The following NTRK3 variants were observed in gnomAD, a reference collection of about 807,000 sequenced individuals.
NTRK3 encodes the protein NT-3 growth factor receptor.
In NTRK3, 24 loss-of-function variants were observed where a neutral mutation model predicts 91.7. The observed-to-expected ratio is 0.26, with a 90% CI of 0.19 to 0.37. The LOEUF is 0.37. NTRK3 is among the 10% of genes least tolerant of loss of function. NTRK3 has a pLI of 1.00. For missense variants in NTRK3, 880 were observed against 1,068.9 expected, an observed-to-expected ratio of 0.82 and a Z score of 2.46; for synonymous variants, 483 against 404.0, an observed-to-expected ratio of 1.20 and a Z score of -2.34.
intron 14 of NTRK3, 119 bp downstream of exon 14, chr15:88,032,738 A>G: frequency 8.9e-7 from 1 of 1,123,592 alleles, no homozygotes; most frequent in South Asian, 1.3e-5. Context: ...GGTCTCTTAG[A>G]AAGTGGGAGG....
chr15:87,885,311 T>C (rs2065474966), intron 17 of NTRK3, among the ~76,000 whole-genome samples: 6 of 151,944 alleles, frequency 3.9e-5, no homozygotes, highest in Admixed American at 3.3e-4. Flanking sequence ...CTCAATGTTA[T>C]ACATATTTCA....
rs2051130194 is a variant in NTRK3, at chr15:88,109,786, T to C, written c.1396+16485A>G. On this transcript the variant is annotated intron_variant, in intron 13 of 18. Coordinates refer to ENST00000394480, the Ensembl canonical transcript of NTRK3. ...GGGGAGTAGCCTAGCTGTTGAAATT[T>C]TTTAAAGATCCCCATGCGATTCTAC... Among the ~76,000 whole-genome samples, 3 of 152,222 alleles carry C rather than the reference T, an allele frequency of 2.0e-5. 1 individual carries two copies. The South Asian group carries it at 6.2e-4, about 32-fold the overall frequency.
rs1049322127 is a variant in NTRK3, at chr15:87,947,211, C to G, written c.1586-6458G>C. Among the ~76,000 whole-genome samples, 4 of 151,934 alleles carry G rather than the reference C, an allele frequency of 2.6e-5. No homozygotes were observed. The South Asian group carries it at 8.3e-4, about 32-fold the overall frequency. ...TCTCTTAAACACAATATGTTGCTGTCCCCGTGCTACAGATGAGGGGGCTGA... is the reference window on the plus strand; with the variant it reads ...TCTCTTAAACACAATATGTTGCTGTGCCCGTGCTACAGATGAGGGGGCTGA... On this transcript the variant is annotated intron_variant, in intron 14 of 18. Transcript: ENST00000394480.
chr15:88,172,202 C>G (rs1264681284), intron 5 of NTRK3, among the ~76,000 whole-genome samples: 2 of 152,196 alleles, frequency 1.3e-5, no homozygotes, highest in Admixed American at 6.5e-5. Flanking sequence ...AAGAGACTTT[C>G]AAAGACCCAT....
At chr15:88,185,946 C>G (rs1319226321) in intron 3 of NTRK3, among the ~76,000 whole-genome samples, 1 of 152,204 alleles carries the variant, frequency 6.6e-6, no homozygotes, top group Non-Finnish European at 1.5e-5. Context: ...GGGACATGGA[C>G]CAGGTGGCCA....
chr15:87,926,671 T>C (rs1445929237), intron 17 of NTRK3: 2 of 152,252 alleles, frequency 1.3e-5, no homozygotes, highest in African/African-American at 2.4e-5. Flanking sequence ...GGGGATGTGA[T>C]CTTTTTATTT....
At chr15:87,879,337 G>A (rs2065116232) in intron 18 of NTRK3, among the ~76,000 whole-genome samples, 1 of 152,162 alleles carries the variant, frequency 6.6e-6, no homozygotes, top group Non-Finnish European at 1.5e-5. Context: ...TGTTTCATAG[G>A]TCGACTGGGT....
chr15:87,915,317 G>C (rs1192694780), intron 17 of NTRK3, among the ~76,000 whole-genome samples: 2 of 152,228 alleles, frequency 1.3e-5, no homozygotes, highest in South Asian at 2.1e-4. Flanking sequence ...TCCAGGACAG[G>C]TGCATCACCC....
At chr15:88,070,590 C>G (rs945566747) in intron 13 of NTRK3, among the ~76,000 whole-genome samples, 1 of 152,094 alleles carries the variant, frequency 6.6e-6, no homozygotes, top group African/African-American at 2.4e-5. Flanking sequence ...AGTCCAAACT[C>G]CCATTCCCAG....
At chr15:87,928,356 T>G (rs2068505617) in intron 17 of NTRK3, 1 of 152,126 alleles carries the variant, frequency 6.6e-6, no homozygotes, top group South Asian at 2.1e-4. Context: ...GTTGCACTCA[T>G]ACTTCCCCTT....
intron 17 of NTRK3, among the ~76,000 whole-genome samples, chr15:87,902,991 T>C (rs769794816): frequency 1.3e-5 from 2 of 151,336 alleles, no homozygotes; most frequent in Admixed American, 6.6e-5. Flanking sequence ...ACAGTTCACA[T>C]TGTGGGCTCT....
At chr15:88,002,703 A>T (rs1198510051) in intron 14 of NTRK3, among the ~76,000 whole-genome samples, 1 of 152,056 alleles carries the variant, frequency 6.6e-6, no homozygotes, top group East Asian at 1.9e-4. Flanking sequence ...AAAAAAAAAA[A>T]AAACCTTGCT....
intron 13 of NTRK3, among the ~76,000 whole-genome samples, chr15:88,106,499 G>C (rs957913965): frequency 1.3e-5 from 2 of 152,240 alleles, no homozygotes; most frequent in Admixed American, 6.5e-5. Flanking sequence ...AATGAGCTTT[G>C]CAGAGTAATG....
At chr15:87,972,707 C>T (rs974401912) in intron 14 of NTRK3, among the ~76,000 whole-genome samples, 1 of 152,142 alleles carries the variant, frequency 6.6e-6, no homozygotes, top group Non-Finnish European at 1.5e-5. Context: ...AAGCCAGGTG[C>T]CCATCTGGTC....
intron 5 of NTRK3, among the ~76,000 whole-genome samples, chr15:88,164,512 C>T (rs2044750881): frequency 6.6e-6 from 1 of 152,300 alleles, no homozygotes; most frequent in Non-Finnish European, 1.5e-5. Context: ...CTGCAGAGTA[C>T]ATCTGACAGC....
intron 16 of NTRK3, among the ~76,000 whole-genome samples, chr15:87,932,106 G>A (rs976963963): frequency 1.5e-4 from 23 of 152,202 alleles, no homozygotes; most frequent in African/African-American, 5.5e-4. Flanking sequence ...AATAGATGCT[G>A]TCTTCTCTTG....
intron 17 of NTRK3, among the ~76,000 whole-genome samples, chr15:87,902,207 G>A (rs892345944): frequency 4.6e-5 from 7 of 152,230 alleles, no homozygotes; most frequent in African/African-American, 1.7e-4. Flanking sequence ...AAAGAAGCCA[G>A]TCATGGACTT....
At chr15:88,073,538 T>A (rs1485123558) in intron 13 of NTRK3, among the ~76,000 whole-genome samples, 1 of 152,176 alleles carries the variant, frequency 6.6e-6, no homozygotes. Context: ...CTGCCGCCCC[T>A]TCTTCCAGGA....
At position 88,229,017 on chromosome 15, in the gene NTRK3, C is replaced by T. The variant is rs184301254; in HGVS notation, c.248+26889G>A. On this transcript the variant is annotated intron_variant, in intron 3 of 18. Coordinates refer to ENST00000394480, the Ensembl canonical transcript of NTRK3. ...TGACCCTATCTGCCCCTCACCAGGA[C>T]ATATTGGCTGCAGCCACCATGCAAC... Among the ~76,000 whole-genome samples the T allele has an allele frequency of 5.4e-3, 820 of 152,278 alleles. 7 individuals carry two copies. The highest frequency in any genetic ancestry group is 8.2e-3 in the Non-Finnish European group (555 of 68,028).
Sources: allele counts gnomAD v4.1 joint callset (sites outside exome capture counted in the v4.1 genomes callset), GRCh38; gene constraint gnomAD v4.1.1; transcripts MANE v1.5; gene names NCBI Gene and HGNC (gene_info 2026-07-23, HGNC 2026-07-21).